MNAT1: variants seen among roughly 807,000 people sequenced by gnomAD.
MNAT1 encodes CDK-activating kinase assembly factor MAT1.
MNAT1 carries 43 observed loss-of-function variants against 42.0 expected under a neutral mutation model. The observed-to-expected ratio is 1.02, with a 90% CI of 0.80 to 1.32. MNAT1 has a LOEUF of 1.32. Ranked by LOEUF, MNAT1 falls within the 40% of genes most tolerant of loss-of-function variation. MNAT1 has a pLI of 0.00. For synonymous variants in MNAT1, 118 were observed against 120.0 expected (o/e 0.98, Z 0.11); for missense variants, 306 against 350.4 (o/e 0.87, Z 1.01).
chr14:60,746,987 TC>T (rs1896653439), intron 1 of MNAT1, among the ~76,000 whole-genome samples: 1 of 120,934 alleles, frequency 8.3e-6, no homozygotes. Flanking sequence ...CAAAATTATG[TC>T]TTTTTTTTTT....
chr14:60,930,223 T>TATTATTATG (rs2035858589), intron 7 of MNAT1, among the ~76,000 whole-genome samples: 2 of 146,514 alleles, frequency 1.4e-5, no homozygotes, highest in Non-Finnish European at 3.0e-5. Context: ...TTATTATTAT[T>TATTATTATG]ATTATTATTA....
intron 1 of MNAT1, among the ~76,000 whole-genome samples, chr14:60,757,119 G>A (rs2030388965): frequency 6.6e-6 from 1 of 152,124 alleles, no homozygotes; most frequent in African/African-American, 2.4e-5. Flanking sequence ...TGCAGAAGTT[G>A]TTCAGAAACA....
intron 1 of MNAT1, among the ~76,000 whole-genome samples, chr14:60,746,935 C>T (rs1488122789): frequency 0.43 from 5,016 of 11,590 alleles, 756 homozygotes; most frequent in Non-Finnish European, 0.54. Context: ...CACACACACA[C>T]ACACACACAC....
rs145939756 is a variant in MNAT1 at position 60,739,466 on chromosome 14, TAAAAGAGG to T, written c.89+4518_89+4525del. 3.6e-3 allele frequency among the ~76,000 whole-genome samples: 544 copies of T among 152,126 alleles called. 1 individual carries two copies. The highest frequency in any genetic ancestry group is 0.012 in the African/African-American group (508 of 41,506). On this transcript the variant is annotated intron_variant, in intron 1 of 7. Transcript: ENST00000261245. Reference sequence around the variant, plus strand: ...TAAAGTGAGTAGGAGTAGTGCTTCATAAAAGAGGAACTATAGGGTTATGGAAAAATTAA... The same window carrying T: ...TAAAGTGAGTAGGAGTAGTGCTTCATAACTATAGGGTTATGGAAAAATTAA...
chr14:60,839,832 A>G (rs2033495886), intron 6 of MNAT1, among the ~76,000 whole-genome samples: 1 of 152,224 alleles, frequency 6.6e-6, no homozygotes, highest in African/African-American at 2.4e-5. Context: ...AGCAGCTGGC[A>G]TGCCTGGCTG....
chr14:60,866,859 G>A (rs2034213793), intron 6 of MNAT1, among the ~76,000 whole-genome samples: 2 of 151,754 alleles, frequency 1.3e-5, no homozygotes, highest in Non-Finnish European at 2.9e-5. Flanking sequence ...TTCAAAATTG[G>A]TTACTTTTCA....
At chr14:60,756,204 C>G (rs968675123) in intron 1 of MNAT1, among the ~76,000 whole-genome samples, 1 of 152,086 alleles carries the variant, frequency 6.6e-6, no homozygotes, top group Non-Finnish European at 1.5e-5. Context: ...CTGTTCATAA[C>G]GAGCTGTCTA....
chr14:60,837,943 A>G (rs1391085805), intron 6 of MNAT1, among the ~76,000 whole-genome samples: 4 of 152,242 alleles, frequency 2.6e-5, no homozygotes, highest in Admixed American at 6.5e-5. Flanking sequence ...CTTCTAATGA[A>G]CACATGAAAG....
At chr14:60,957,666 T>G (rs891783255) in intron 7 of MNAT1, among the ~76,000 whole-genome samples, 1 of 152,238 alleles carries the variant, frequency 6.6e-6, no homozygotes, top group Non-Finnish European at 1.5e-5. Context: ...AGTGTATGTA[T>G]TTTTACATTA....
intron 6 of MNAT1, among the ~76,000 whole-genome samples, chr14:60,830,982 T>C (rs367592319): frequency 2.6e-5 from 4 of 152,272 alleles, no homozygotes; most frequent in South Asian, 4.2e-4. Context: ...TGCCTCCTGT[T>C]AACATTTTTC....
intron 6 of MNAT1, among the ~76,000 whole-genome samples, chr14:60,857,956 T>C: frequency 6.6e-6 from 1 of 152,242 alleles, no homozygotes; most frequent in Non-Finnish European, 1.5e-5. Context: ...TGCCACATTT[T>C]CTTTATCTAG....
chr14:60,902,786 T>G (rs749242629), intron 7 of MNAT1, among the ~76,000 whole-genome samples: 4 of 152,098 alleles, frequency 2.6e-5, no homozygotes, highest in Non-Finnish European at 5.9e-5. Context: ...TTTGATGCTG[T>G]TGTGATAAAG....
chr14:60,913,703 A>G (rs2035442364), intron 7 of MNAT1, among the ~76,000 whole-genome samples: 2 of 152,254 alleles, frequency 1.3e-5, no homozygotes, highest in Admixed American at 6.5e-5. Context: ...GTCTCAGAGG[A>G]GTACCCAGCC....
chr14:60,796,701 G>A (rs190640066), intron 2 of MNAT1, among the ~76,000 whole-genome samples: 47 of 152,238 alleles, frequency 3.1e-4, no homozygotes, highest in African/African-American at 1.1e-3. Context: ...GAGTAAAACA[G>A]CTATGAACTC....
At chr14:60,911,584 C>T (rs541945435) in intron 7 of MNAT1, among the ~76,000 whole-genome samples, 2 of 152,128 alleles carry the variant, frequency 1.3e-5, no homozygotes, top group East Asian at 3.9e-4. Context: ...ATTGTGTACC[C>T]AGTAGTTCAG....
intron 7 of MNAT1, among the ~76,000 whole-genome samples, chr14:60,959,925 T>G (rs1164622456): frequency 1.3e-5 from 2 of 149,866 alleles, no homozygotes; most frequent in Non-Finnish European, 3.0e-5. Context: ...TTTATGTTTT[T>G]TTTTTTTTTT....
At chr14:60,804,537 T>G (rs540826432) in intron 3 of MNAT1, among the ~76,000 whole-genome samples, 1 of 152,244 alleles carries the variant, frequency 6.6e-6, no homozygotes, top group Admixed American at 6.5e-5. Flanking sequence ...TATTCATTTA[T>G]TTTTTAGAGA....
rs182040717 is a variant in MNAT1, at chr14:60,884,325, A to G, written c.809+4490A>G. Among the ~76,000 whole-genome samples the G allele has an allele frequency of 2.6e-5, 4 of 152,208 alleles. No homozygotes were observed. In the East Asian group the frequency reaches 5.8e-4, roughly 22 times the overall value. On this transcript the variant is annotated intron_variant, in intron 7 of 7. Coordinates refer to ENST00000261245, the MANE Select transcript of MNAT1 (RefSeq NM_002431.4). ...ACTCAGCATCAGTTGAAGTGATCATATGGTTTGGTCCTCACTCTGTTGATA... is the reference window on the plus strand; with the variant it reads ...ACTCAGCATCAGTTGAAGTGATCATGTGGTTTGGTCCTCACTCTGTTGATA...
At chr14:60,877,114 T>C (rs2034451712) in intron 6 of MNAT1, among the ~76,000 whole-genome samples, 1 of 152,100 alleles carries the variant, frequency 6.6e-6, no homozygotes, top group African/African-American at 2.4e-5. Flanking sequence ...CTGTTTTTCT[T>C]TTTAATAATA....
Sources: gnomAD v4.1 joint callset for allele counts (sites outside exome capture counted in the v4.1 genomes callset) on GRCh38, gnomAD v4.1.1 for gene constraint, MANE v1.5 for transcripts, NCBI Gene and HGNC (gene_info 2026-07-23, HGNC 2026-07-21) for gene names.